Variants in SOAT1 observed in about 807,000 individuals in gnomAD.
SOAT1 encodes acyl-coenzyme A:cholesterol acyltransferase 1.
In SOAT1, 55 loss-of-function variants were observed where a neutral mutation model predicts 69.5. The observed-to-expected ratio is 0.79, with a 90% CI of 0.64 to 0.99. The LOEUF (loss-of-function observed/expected upper bound fraction) is 0.99, where lower values mean the gene tolerates loss of function less well. Ranked by LOEUF, SOAT1 falls within the 50% of genes least tolerant of loss-of-function variation. The pLI is 0.00. For missense variants in SOAT1, 580 were observed against 669.3 expected (o/e 0.87, Z 1.47); for synonymous variants, 231 against 224.7 (o/e 1.03, Z -0.25).
At chr1:179,333,997 A>T (rs1215558088) in intron 3 of SOAT1, among the ~76,000 whole-genome samples, 1 of 152,260 alleles carries the variant, frequency 6.6e-6, no homozygotes, top group African/African-American at 2.4e-5. Context: ...CCTGTGCTAT[A>T]CCAAGGCTGC....
chr1:179,322,589 TC>T (rs1408177676), intron 2 of SOAT1, among the ~76,000 whole-genome samples: 1 of 152,194 alleles, frequency 6.6e-6, no homozygotes, highest in African/African-American at 2.4e-5. Flanking sequence ...ACTGTAATCT[TC>T]CAGGGAGGAA....
At chr1:179,311,595 T>C (rs1456989293) in intron 2 of SOAT1, among the ~76,000 whole-genome samples, 1 of 110,960 alleles carries the variant, frequency 9.0e-6, no homozygotes, top group East Asian at 6.9e-4. Flanking sequence ...AAAAATCGTT[T>C]CTAAATTTCA....
At chr1:179,316,933 G>A (rs1665416013) in intron 2 of SOAT1, among the ~76,000 whole-genome samples, 1 of 152,092 alleles carries the variant, frequency 6.6e-6, no homozygotes, top group Non-Finnish European at 1.5e-5. Flanking sequence ...CAGAGTAATA[G>A]GGCAGTGAAA....
intron 15 of SOAT1, among the ~76,000 whole-genome samples, chr1:179,352,522 G>A (rs1571462701): frequency 6.6e-6 from 1 of 152,196 alleles, no homozygotes; most frequent in East Asian, 1.9e-4. Flanking sequence ...CACCCCAAAT[G>A]TCCTATATTC....
chr1:179,310,505 TTG>T (rs1665187366), intron 2 of SOAT1, among the ~76,000 whole-genome samples: 1 of 152,174 alleles, frequency 6.6e-6, no homozygotes, highest in African/African-American at 2.4e-5. Flanking sequence ...GTTGAGAACT[TTG>T]TAAAGTTTTT....
In SOAT1 at chr1:179,352,515, C is replaced by A. The variant is rs191071735; in HGVS notation, c.1596+1053C>A. Among the ~76,000 whole-genome samples, 8 of 129,188 alleles carry A rather than the reference C, an allele frequency of 6.2e-5. No homozygotes were observed. The East Asian group carries it at 2.8e-3, about 45-fold the overall frequency. 84.8% of individuals were successfully genotyped at this position (129,188 alleles called of 152,430 possible). On this transcript the variant is annotated intron_variant, in intron 15 of 15. Transcript: ENST00000367619. ...TCCTGTATTGGGTTTCTTAGAACAC[C>A]CCAAATGTCCTATATTCTGCTTTTT... is the stretch of plus-strand genomic sequence containing the variant.
At position 179,335,502 on chromosome 1, in the gene SOAT1, C is replaced by G. The variant is rs1430526109; in HGVS notation, c.178-4C>G. The G allele has an allele frequency of 3.1e-6, 5 of 1,603,712 alleles. No individual in the cohort carries two copies. The highest frequency in any genetic ancestry group is 3.4e-6 in the Non-Finnish European group (4 of 1,174,924). On this transcript the variant is annotated splice_region_variant and splice_polypyrimidine_tract_variant and intron_variant, in intron 3 of 15. Coordinates refer to ENST00000367619, the MANE Select transcript of SOAT1 (RefSeq NM_003101.6). The stretch of plus-strand genomic sequence containing the variant: ...CCATCTTTTTCTTTGTTTTAAAATT[C>G]TAGGAATTGAAGCCATTTTTTATGA...
chr1:179,355,352 C>T lies in SOAT1; in HGVS notation c.*1711C>T, dbSNP rs1040025943. 6 of 151,978 alleles carry T rather than the reference C, an allele frequency of 3.9e-5. No individual in the cohort carries two copies. Among genetic ancestry groups the T allele is most frequent in the African/African-American group, 1.2e-4 (5 of 41,380 alleles). The allele number at this position is 151,978 out of a possible 1,614,324, so 9.4% of individuals were successfully genotyped here. A position where few individuals can be genotyped will look rare whatever the true frequency, so the allele number is the denominator to read the frequency against. ...TTTTAAATATATTGGGGACAGATTG[C>T]GCTGAGACCTGGTTATGAGCAAGCC... is the stretch of plus-strand genomic sequence containing the variant. On this transcript the variant is annotated 3_prime_UTR_variant, in exon 16 of 16. Transcript: ENST00000367619.
Position 179,337,843 on chromosome 1 carries a change from G to C in SOAT1, c.336G>C (p.Leu112Phe). 2 of 1,608,946 alleles carry C rather than the reference G, an allele frequency of 1.2e-6. No homozygotes were observed. Among genetic ancestry groups the C allele is most frequent in the Non-Finnish European group, 1.7e-6 (2 of 1,177,336 alleles). Residue 112 changes from leucine (L) to phenylalanine (F), a missense_variant, in exon 5 of 16, where the codon TTG becomes TTC. Leu to Phe is a conservative substitution (Grantham distance 22). Coordinates refer to ENST00000367619, the MANE Select transcript of SOAT1 (RefSeq NM_003101.6). ...TAATTTTTCCTCTTCTCAGGGATTT[G>C]AGAGCACCTCCAGAACAAGGAAAGA... ...GEKNNHRAKDLRAPPEQGKIF... is the reference protein window; with the variant it reads ...GEKNNHRAKDFRAPPEQGKIF...
At chr1:179,304,014 A>G (rs185485025) in intron 2 of SOAT1, among the ~76,000 whole-genome samples, 84 of 152,248 alleles carry the variant, frequency 5.5e-4, no homozygotes, top group African/African-American at 1.3e-3. Context: ...GTGTATTTTC[A>G]GTGTTCTTTA....
chr1:179,340,538 G>A (rs1436736177), intron 6 of SOAT1, among the ~76,000 whole-genome samples: 1 of 152,120 alleles, frequency 6.6e-6, no homozygotes, highest in Non-Finnish European at 1.5e-5. Flanking sequence ...GGTAATCATG[G>A]ATTGAATTAT....
chr1:179,342,797 C>T (rs1185787594), intron 8 of SOAT1, 65 bp from the exon 9 acceptor site: 11 of 1,114,358 alleles, frequency 9.9e-6, no homozygotes, highest in East Asian at 2.4e-5. Context: ...CCTTATATTC[C>T]CCCCTGTATT....
intron 1 of SOAT1, among the ~76,000 whole-genome samples, chr1:179,301,091 C>CAATA (rs957384583): frequency 5.9e-5 from 9 of 152,098 alleles, no homozygotes; most frequent in East Asian, 1.9e-4. Context: ...TACTCCTTCT[C>CAATA]AATAAATAAA....
Position 179,333,980 on chromosome 1 carries a change from C to T in SOAT1, c.178-1526C>T, listed in dbSNP as rs1359744597. On this transcript the variant is annotated intron_variant, in intron 3 of 15. Transcript: ENST00000367619. The stretch of plus-strand genomic sequence containing the variant: ...CAACCATGGCGGAGCCAGAGGGGCT[C>T]AAGGGGCCTGTGCTATACCAAGGCT... Among the ~76,000 whole-genome samples the T allele has an allele frequency of 3.9e-5, 6 of 152,222 alleles. No homozygotes were observed. The East Asian group carries it at 1.2e-3, about 29-fold the overall frequency.
chr1:179,314,523 A>G (rs4651023), intron 2 of SOAT1, among the ~76,000 whole-genome samples: 34,536 of 152,140 alleles, frequency 0.23, 4,114 homozygotes, highest in African/African-American at 0.27. Context: ...TATCACTATA[A>G]TAGTATGGTA....
At chr1:179,343,326 G>A (rs1237317917) in intron 9 of SOAT1, among the ~76,000 whole-genome samples, 4 of 152,104 alleles carry the variant, frequency 2.6e-5, no homozygotes, top group Non-Finnish European at 5.9e-5. Context: ...CTGGGTTCAA[G>A]TGATTCTCCT....
intron 6 of SOAT1, 65 bp downstream of exon 6, chr1:179,339,610 T>C (rs1666264192): frequency 1.9e-6 from 2 of 1,066,256 alleles, no homozygotes; most frequent in East Asian, 2.6e-5. Flanking sequence ...TCACTAAATT[T>C]TGGTAAAGGG....
chr1:179,336,833 A>G (rs933668141), intron 4 of SOAT1, among the ~76,000 whole-genome samples: 3 of 152,128 alleles, frequency 2.0e-5, no homozygotes. Context: ...CGTCTCTACT[A>G]AAAATACAAA....
chr1:179,351,842 C>T (rs1405791801), intron 15 of SOAT1, among the ~76,000 whole-genome samples: 1 of 151,168 alleles, frequency 6.6e-6, no homozygotes, highest in Non-Finnish European at 1.5e-5. Context: ...TCCTCAGCCT[C>T]CCGAGTAGCT....
Sources: allele counts gnomAD v4.1 joint callset (sites outside exome capture counted in the v4.1 genomes callset), GRCh38; gene constraint gnomAD v4.1.1; transcripts MANE v1.5; gene names NCBI Gene and HGNC (gene_info 2026-07-23, HGNC 2026-07-21).